Variants in PSPC1 observed in about 807,000 individuals in gnomAD.
PSPC1 encodes the protein paraspeckle component 1.
PSPC1 carries 14 observed loss-of-function variants against 51.6 expected under a neutral mutation model. That is an observed-to-expected ratio of 0.27 (90% confidence interval 0.18 to 0.42). The LOEUF is 0.42. Ranked by LOEUF, PSPC1 falls within the 10% of genes least tolerant of loss-of-function variation. The pLI is 1.00. For synonymous variants in PSPC1, 193 were observed against 231.9 expected (o/e 0.83, Z 1.53); for missense variants, 406 against 701.1 (o/e 0.58, Z 4.75).
At chr13:19,687,965 T>C (rs1267058737) in intron 6 of PSPC1, among the ~76,000 whole-genome samples, 1 of 152,040 alleles carries the variant, frequency 6.6e-6, no homozygotes, top group Non-Finnish European at 1.5e-5. Flanking sequence ...GTATCAACTG[T>C]CAGCCTTTGC....
rs770697710 is a variant in PSPC1, at chr13:19,772,445, G to A, written c.471C>T (p.Ala157=). The part of the protein sequence containing the change: ...LRIRFATHGA[A]LTVKNLSPVV... The stretch of plus-strand genomic sequence containing the variant: ...CTGGAGAAAGGTTCTTGACAGTCAA[G>A]GCTGCTCCATGTGTAGCGAAGCGAA... Residue 157 remains alanine (A), a synonymous_variant, in exon 2 of 9, where the codon GCC becomes GCT. Transcript: ENST00000338910. 3 of 1,614,228 alleles carry A rather than the reference G, an allele frequency of 1.9e-6. No homozygotes were observed. In the African/African-American group the frequency reaches 4.0e-5, roughly 22 times the overall value.
At chr13:19,736,666 G>C (rs1884865883) in intron 5 of PSPC1, among the ~76,000 whole-genome samples, 1 of 152,166 alleles carries the variant, frequency 6.6e-6, no homozygotes, top group Non-Finnish European at 1.5e-5. Context: ...CTGGGCGACA[G>C]AGTGAGACTC....
chr13:19,691,019 T>C (rs1369718472), intron 6 of PSPC1, among the ~76,000 whole-genome samples: 2 of 152,206 alleles, frequency 1.3e-5, no homozygotes, highest in Non-Finnish European at 2.9e-5. Flanking sequence ...TTCTTCACTA[T>C]TATATGCACA....
At chr13:19,761,070 A>G (rs1422098573) in intron 2 of PSPC1, among the ~76,000 whole-genome samples, 2 of 152,104 alleles carry the variant, frequency 1.3e-5, no homozygotes, top group African/African-American at 2.4e-5. Context: ...ACTTGAGCCC[A>G]GGAATTTGAG....
At position 19,767,374 on chromosome 13, in the gene PSPC1, T is replaced by C. The variant is rs570747244; in HGVS notation, c.674+4868A>G. Reference sequence around the variant, plus strand: ...CTTACAAATCAGCAACTAAGTTCCATAGAGCCAGGAAACAAAATTTTTTAA... The same window carrying C: ...CTTACAAATCAGCAACTAAGTTCCACAGAGCCAGGAAACAAAATTTTTTAA... On this transcript the variant is annotated intron_variant, in intron 2 of 8. Coordinates refer to ENST00000338910, the MANE Select transcript of PSPC1 (RefSeq NM_001354909.2). Among the ~76,000 whole-genome samples the C allele has an allele frequency of 2.6e-5, 4 of 152,180 alleles. No homozygotes were observed. In the East Asian group the frequency reaches 7.7e-4, roughly 29 times the overall value.
At chr13:19,711,471 C>A (rs906527544) in intron 6 of PSPC1, among the ~76,000 whole-genome samples, 8 of 151,814 alleles carry the variant, frequency 5.3e-5, no homozygotes, top group African/African-American at 1.9e-4. Context: ...CCCGTTTCTA[C>A]TAAAAATACA....
chr13:19,766,691 A>G (rs1888101779), intron 2 of PSPC1, among the ~76,000 whole-genome samples: 1 of 151,646 alleles, frequency 6.6e-6, no homozygotes, highest in Non-Finnish European at 1.5e-5. Flanking sequence ...AAAGCTATCA[A>G]TAAGAAATCG....
At chr13:19,773,331 C>T (rs886994649) in intron 1 of PSPC1, among the ~76,000 whole-genome samples, 50 of 148,488 alleles carry the variant, frequency 3.4e-4, no homozygotes, top group African/African-American at 1.2e-3. Context: ...CTCACTGTAA[C>T]CTCTGCCTCC....
At chr13:19,730,971 A>AAAAAAAAAAAAAAC (rs1884027644) in intron 5 of PSPC1, among the ~76,000 whole-genome samples, 1 of 143,238 alleles carries the variant, frequency 7.0e-6, no homozygotes, top group Admixed American at 7.1e-5. Flanking sequence ...AAAACAAAAA[A>AAAAAAAAAAAAAAC]AAAAAAAACA....
chr13:19,775,399 T>C (rs1041401730), intron 1 of PSPC1, among the ~76,000 whole-genome samples: 8 of 151,826 alleles, frequency 5.3e-5, no homozygotes, highest in African/African-American at 1.9e-4. Context: ...TAATACAGCA[T>C]AACAGCTATT....
chr13:19,712,272 T>C (rs933769577), intron 6 of PSPC1, among the ~76,000 whole-genome samples: 5 of 152,220 alleles, frequency 3.3e-5, no homozygotes, highest in African/African-American at 1.2e-4. Flanking sequence ...ATCTAACCAC[T>C]AATATAGGGT....
At chr13:19,685,994 C>T (rs1877827747) in intron 6 of PSPC1, among the ~76,000 whole-genome samples, 1 of 152,164 alleles carries the variant, frequency 6.6e-6, no homozygotes, top group Non-Finnish European at 1.5e-5. Context: ...TCTCCTCTTA[C>T]ATATTTATCT....
rs66861600 is a variant in PSPC1, at chr13:19,733,778, G to GAAAA, written c.1053-3438_1053-3435dup. On this transcript the variant is annotated intron_variant, in intron 5 of 8. Coordinates refer to ENST00000338910, the MANE Select transcript of PSPC1 (RefSeq NM_001354909.2). ...GCTCCATTTCAAAAACAAGAAAAAA[G>GAAAA]AAAAAAAAATATATATATATATATA... Among the ~76,000 whole-genome samples, 163 of 138,524 alleles carry GAAAA rather than the reference G, an allele frequency of 1.2e-3. 1 individual carries two copies. Among genetic ancestry groups the GAAAA allele is most frequent in the Middle Eastern group, 3.7e-3 (1 of 270 alleles). The allele number at this position is 138,524 out of a possible 152,430, so 90.9% of individuals were successfully genotyped here.
intron 2 of PSPC1, among the ~76,000 whole-genome samples, chr13:19,762,227 T>A (rs781437373): frequency 1.4e-4 from 21 of 152,210 alleles, no homozygotes; most frequent in Non-Finnish European, 3.1e-4. Context: ...ATCTTGCTCC[T>A]ACAATTCCAC....
At chr13:19,758,123 G>A (rs1887266256) in intron 3 of PSPC1, among the ~76,000 whole-genome samples, 1 of 152,014 alleles carries the variant, frequency 6.6e-6, no homozygotes, top group African/African-American at 2.4e-5. Context: ...GACCATCCTG[G>A]CTAACATGGT....
chr13:19,733,108 A>G (rs1024845584), intron 5 of PSPC1, among the ~76,000 whole-genome samples: 6 of 152,218 alleles, frequency 3.9e-5, no homozygotes, highest in Admixed American at 3.9e-4. Flanking sequence ...GTGCAGGGAC[A>G]TATGTATACA....
intron 4 of PSPC1, among the ~76,000 whole-genome samples, chr13:19,745,840 C>T (rs1343790014): frequency 2.0e-5 from 3 of 151,900 alleles, no homozygotes; most frequent in East Asian, 3.9e-4. Flanking sequence ...AGGATGGTCT[C>T]GATCTCCTGT....
chr13:19,682,704 G>A (rs1316788899), intron 6 of PSPC1, among the ~76,000 whole-genome samples: 1 of 152,080 alleles, frequency 6.6e-6, no homozygotes, highest in African/African-American at 2.4e-5. Context: ...CATTGTTCAT[G>A]GGAAAAGAAA....
chr13:19,728,344 T>C (rs1342274976), intron 6 of PSPC1, among the ~76,000 whole-genome samples: 1 of 152,030 alleles, frequency 6.6e-6, no homozygotes, highest in Non-Finnish European at 1.5e-5. Context: ...TACTCATTAC[T>C]TGGACAAGTT....
Sources: allele counts gnomAD v4.1 joint callset (sites outside exome capture counted in the v4.1 genomes callset), GRCh38; gene constraint gnomAD v4.1.1; transcripts MANE v1.5; gene names NCBI Gene and HGNC (gene_info 2026-07-23, HGNC 2026-07-21).